The following RUVBL2 variants were observed in gnomAD, a reference collection of about 807,000 sequenced individuals.
The protein encoded by RUVBL2 is ruvB-like 2.
RUVBL2 carries 9 observed loss-of-function variants against 57.9 expected under a neutral mutation model. The ratio of observed to expected loss-of-function variants is 0.16; its 90% CI spans 0.09 to 0.27. The LOEUF is 0.27. Ranked by LOEUF, RUVBL2 falls within the 10% of genes least tolerant of loss-of-function variation. RUVBL2 has a pLI of 1.00. For missense variants in RUVBL2, 456 were observed against 669.6 expected (o/e 0.68, Z 3.52); for synonymous variants, 278 against 264.6 (o/e 1.05, Z -0.49).
intron 6 of RUVBL2, among the ~76,000 whole-genome samples, chr19:49,009,086 G>A (rs1313311882): frequency 1.5e-5 from 2 of 137,268 alleles, no homozygotes; most frequent in Non-Finnish European, 3.0e-5. Context: ...ACTTGAACCC[G>A]GGAGATGGAG....
At chr19:48,997,320 C>A (rs908003403) in intron 1 of RUVBL2, among the ~76,000 whole-genome samples, 2 of 152,116 alleles carry the variant, frequency 1.3e-5, no homozygotes, top group African/African-American at 4.8e-5. Flanking sequence ...CACGTTGTAG[C>A]ATGTATCAGA....
At position 49,015,869 on chromosome 19, in the gene RUVBL2, C is replaced by A; in HGVS notation, c.*27C>A. The A allele has an allele frequency of 1.9e-6, 3 of 1,614,198 alleles. No homozygotes were observed. The highest frequency in any genetic ancestry group is 2.5e-6 in the Non-Finnish European group (3 of 1,180,014). On this transcript the variant is annotated 3_prime_UTR_variant, in exon 15 of 15. Coordinates refer to ENST00000595090, the MANE Select transcript of RUVBL2 (RefSeq NM_006666.3). Reference sequence around the variant, plus strand: ...TTGGATGTCATCCCCCGACCCCACCCTGTTTTCCACCAGAGTTCTGACACT... The same window carrying A: ...TTGGATGTCATCCCCCGACCCCACCATGTTTTCCACCAGAGTTCTGACACT...
chr19:49,009,155 T>C (rs1485821803), intron 6 of RUVBL2, among the ~76,000 whole-genome samples: 203 of 38,650 alleles, frequency 5.3e-3, no homozygotes, highest in Middle Eastern at 0.05. Flanking sequence ...AGCAAGACTC[T>C]ATCTCAAAAA....
In RUVBL2 at chr19:49,010,036, C is replaced by T. The variant is rs200111740; in HGVS notation, c.633C>T (p.Arg211=). The change falls in exon 8 of 15, where the codon CGC becomes CGT. Residue 211 remains arginine, a synonymous_variant. Coordinates refer to ENST00000595090, the MANE Select transcript of RUVBL2 (RefSeq NM_006666.3). The part of the protein sequence containing the change: ...KISKLGRSFT[R]ARDYDAMGSQ... Reference sequence around the variant, plus strand: ...CCAAGCTGGGCCGCTCCTTCACACGCGCCCGCGACTACGACGCTATGGGCT... The same window carrying T: ...CCAAGCTGGGCCGCTCCTTCACACGTGCCCGCGACTACGACGCTATGGGCT... The T allele has an allele frequency of 2.2e-3, 3,552 of 1,594,708 alleles. 7 individuals carry two copies. The highest frequency in any genetic ancestry group is 2.4e-3 in the Non-Finnish European group (2,816 of 1,169,626).
At chr19:49,007,666 T>C (rs1279921407) in intron 6 of RUVBL2, among the ~76,000 whole-genome samples, 1 of 152,162 alleles carries the variant, frequency 6.6e-6, no homozygotes, top group Non-Finnish European at 1.5e-5. Context: ...CCGAAAGGCA[T>C]GTCCTGTCCA....
intron 2 of RUVBL2, 146 bp from the exon 3 acceptor site, chr19:49,003,133 T>C (rs3764622): frequency 0.064 from 47,552 of 738,298 alleles, 2,161 homozygotes; most frequent in African/African-American, 0.1. Flanking sequence ...GGATATCCTT[T>C]CCATGTGCCC....
chr19:49,006,882 C>T (rs546203723), intron 4 of RUVBL2, 136 bp from the exon 5 acceptor site: 42 of 1,169,032 alleles, frequency 3.6e-5, no homozygotes, highest in South Asian at 2.2e-4. Flanking sequence ...CTGCTCAGCT[C>T]GGAGCCAAGT....
chr19:49,004,180 T>C lies in RUVBL2; in HGVS notation c.124-97T>C, dbSNP rs2039239308. 3.0e-6 allele frequency: 4 copies of C among 1,332,006 alleles called. No homozygotes were observed. The East Asian group carries it at 1.1e-4, about 37-fold the overall frequency. 82.5% of individuals were successfully genotyped at this position (1,332,006 alleles called of 1,614,324 possible). A position where few individuals can be genotyped will look rare whatever the true frequency, so the allele number is the denominator to read the frequency against. ...TTTGGCTTTTCCTAGAAGTCCCAGCTAGTAATGTCTGCTTCCATCTCACTA... is the reference window on the plus strand; with the variant it reads ...TTTGGCTTTTCCTAGAAGTCCCAGCCAGTAATGTCTGCTTCCATCTCACTA... On this transcript the variant is annotated intron_variant, in intron 3 of 14. Transcript: ENST00000595090.
At chr19:49,010,909 C>T in intron 9 of RUVBL2, 90 bp from the exon 10 acceptor site, 1 of 1,180,220 alleles carries the variant, frequency 8.5e-7, no homozygotes, top group Non-Finnish European at 1.2e-6. Flanking sequence ...TCCTCCATCC[C>T]TGGCATCATC....
chr19:49,009,231 G>A (rs2039349829), intron 6 of RUVBL2, among the ~76,000 whole-genome samples: 2 of 131,842 alleles, frequency 1.5e-5, no homozygotes, highest in South Asian at 2.6e-4. Context: ...GCTCACTCCT[G>A]TAATCCCAGC....
At position 49,011,567 on chromosome 19, in the gene RUVBL2, A is replaced by G. The variant is rs2122644361; in HGVS notation, c.1001+257A>G. ...CAGTCTTCAAACTGCGTGCCGAGGC[A>G]CCCCAGGGTGCTGCAGGAAACTCAC... On this transcript the variant is annotated intron_variant, in intron 11 of 14. Coordinates refer to ENST00000595090, the MANE Select transcript of RUVBL2 (RefSeq NM_006666.3). This position sits in a 1 kb window ranked among gnomAD's most constrained non-coding sequence, Gnocchi z 4.4. Among the ~76,000 whole-genome samples, 1 of 152,246 alleles carries G rather than the reference A, an allele frequency of 6.6e-6. No homozygotes were observed. Among genetic ancestry groups the G allele is most frequent in the East Asian group, 1.9e-4 (1 of 5,178 alleles).
chr19:49,010,022 C>T lies in RUVBL2; in HGVS notation c.619C>T (p.Arg207Cys), dbSNP rs777151855. ...GACGGGCAAGATCTCCAAGCTGGGC[C>T]GCTCCTTCACACGCGCCCGCGACTA... ...KATGKISKLG[R>C]SFTRARDYDA... Residue 207 changes from arginine (R) to cysteine (C), a missense_variant, in exon 8 of 15, where the codon CGC becomes TGC. This residue lies in a region of RUVBL2 where 233 missense variants were observed against 306.0 expected (regional missense o/e 0.76). Coordinates refer to ENST00000595090, the MANE Select transcript of RUVBL2 (RefSeq NM_006666.3). 2.2e-5 allele frequency: 35 copies of T among 1,591,316 alleles called. No individual in the cohort carries two copies. The highest frequency in any genetic ancestry group is 6.8e-5 in the South Asian group (6 of 88,000).
intron 9 of RUVBL2, 80 bp downstream of exon 9, chr19:49,010,691 T>C: frequency 6.3e-7 from 1 of 1,575,714 alleles, no homozygotes; most frequent in Non-Finnish European, 8.6e-7. Context: ...GTTCCTGAGC[T>C]CCGAGTGTGG....
chr19:49,011,118 G>T lies in RUVBL2; in HGVS notation c.882+25G>T, dbSNP rs748447325. On this transcript the variant is annotated intron_variant, in intron 10 of 14. Transcript: ENST00000595090. This position sits in a 1 kb window ranked among gnomAD's most constrained non-coding sequence, Gnocchi z 4.4. ...AGTGAGGACCCAGGACATGGCCGGG[G>T]CGGGTGGTGGGGTGGAGGTGGGCCG... is the stretch of plus-strand genomic sequence containing the variant. 1 of 1,609,090 alleles carries T rather than the reference G, an allele frequency of 6.2e-7. No individual in the cohort carries two copies. Among genetic ancestry groups the T allele is most frequent in the East Asian group, 2.2e-5 (1 of 44,668 alleles).
chr19:49,008,403 G>C (rs2039328494), intron 6 of RUVBL2, among the ~76,000 whole-genome samples: 1 of 149,666 alleles, frequency 6.7e-6, no homozygotes, highest in African/African-American at 2.4e-5. Flanking sequence ...ACCACGCCCG[G>C]CTAATTTTTT....
intron 2 of RUVBL2, among the ~76,000 whole-genome samples, chr19:48,999,843 G>A (rs1420937033): frequency 1.3e-5 from 2 of 152,192 alleles, no homozygotes; most frequent in East Asian, 1.9e-4. Flanking sequence ...GGTGCATATT[G>A]TAACTGTTAG....
At chr19:49,012,118 G>A (rs1348666184) in intron 11 of RUVBL2, among the ~76,000 whole-genome samples, 1 of 152,168 alleles carries the variant, frequency 6.6e-6, no homozygotes, top group African/African-American at 2.4e-5. Flanking sequence ...CACTGCTTGG[G>A]CTCAGTGCTG....
chr19:49,006,986 G>A (rs371406098), intron 4 of RUVBL2, 32 bp from the exon 5 acceptor site: 35 of 1,604,290 alleles, frequency 2.2e-5, no homozygotes, highest in African/African-American at 1.7e-4. Flanking sequence ...GTGCCAGAGC[G>A]GCTTCACCTA....
rs369721343 is a variant in RUVBL2 at position 49,007,912 on chromosome 19, T to C, written c.462+544T>C. ...TCAGTAGAGACGGGGTTTCACCATG[T>C]TGGCCAGGCTGGTCTTGAACTCCTG... On this transcript the variant is annotated intron_variant, in intron 6 of 14. Transcript: ENST00000595090. Among the ~76,000 whole-genome samples, 430 of 152,004 alleles carry C rather than the reference T, an allele frequency of 2.8e-3. 2 individuals are homozygous for C. Among genetic ancestry groups the C allele is most frequent in the African/African-American group, 9.6e-3 (398 of 41,444 alleles).
Sources: allele counts gnomAD v4.1 joint callset (sites outside exome capture counted in the v4.1 genomes callset), GRCh38; gene constraint gnomAD v4.1.1; regional missense constraint gnomAD v4.1.1; non-coding constraint Gnocchi (gnomAD v3.1); transcripts MANE v1.5; gene names NCBI Gene and HGNC (gene_info 2026-07-23, HGNC 2026-07-21).